Variants in PCDH11X observed in about 807,000 individuals in gnomAD.
PCDH11X encodes the protein protocadherin 11 X-linked, also known as protocadherin-11 X-linked.
In PCDH11X, 18 loss-of-function variants were observed where a neutral mutation model predicts 53.3. That is an observed-to-expected ratio of 0.34 (90% CI 0.23 to 0.50). The LOEUF is 0.50. Among genes scored for constraint, PCDH11X ranks in the 20% least tolerant of loss-of-function variants. The pLI is 0.98. For synonymous variants in PCDH11X, 279 were observed against 393.3 expected, an observed-to-expected ratio of 0.71 and a Z score of 3.44; for missense variants, 570 against 1,032.4, an observed-to-expected ratio of 0.55 and a Z score of 6.14.
chrX:92,498,355 G>A (rs916177948), intron 10 of PCDH11X, among the ~76,000 whole-genome samples: 1 of 110,144 alleles, frequency 9.1e-6, no homozygotes, highest in African/African-American at 3.3e-5. Flanking sequence ...GGGACCACAT[G>A]GTATCACATA....
At chrX:92,013,928 A>C (rs866910863) in intron 6 of PCDH11X, among the ~76,000 whole-genome samples, 19 of 111,622 alleles carry the variant, frequency 1.7e-4, no homozygotes, top group East Asian at 1.4e-3. Context: ...ACCATAAAAA[A>C]CCTAGAAGAA....
chrX:92,461,688 C>A (rs1569490950), intron 9 of PCDH11X, among the ~76,000 whole-genome samples: 2 of 111,037 alleles, frequency 1.8e-5, no homozygotes, highest in Non-Finnish European at 3.8e-5. Context: ...CACAAGCAAT[C>A]AAACCAAAAA....
chrX:92,054,446 A>T (rs1602766944), intron 6 of PCDH11X, among the ~76,000 whole-genome samples: 1 of 111,881 alleles, frequency 8.9e-6, no homozygotes, highest in East Asian at 2.8e-4. Context: ...TAAATAAGAA[A>T]TTTTTACAGG....
chrX:92,382,612 A>G (rs1183304427), intron 8 of PCDH11X, among the ~76,000 whole-genome samples: 2 of 111,668 alleles, frequency 1.8e-5, no homozygotes, highest in Non-Finnish European at 3.8e-5. Flanking sequence ...AATGACACCA[A>G]TATAATTTCT....
intron 6 of PCDH11X, among the ~76,000 whole-genome samples, chrX:92,047,801 G>A (rs1345383688): frequency 9.4e-6 from 1 of 106,635 alleles, no homozygotes; most frequent in East Asian, 3.0e-4. Context: ...TTTTCCAGCA[G>A]TGAGAAGGTT....
intron 10 of PCDH11X, among the ~76,000 whole-genome samples, chrX:92,497,583 AG>A (rs1173557232): frequency 9.0e-6 from 1 of 110,993 alleles, no homozygotes; most frequent in Non-Finnish European, 1.9e-5. Context: ...GATAAATGTA[AG>A]TGACTATTTT....
intron 6 of PCDH11X, among the ~76,000 whole-genome samples, chrX:92,161,551 A>T (rs1018802267): frequency 6.4e-5 from 7 of 109,743 alleles, no homozygotes; most frequent in African/African-American, 2.3e-4. Flanking sequence ...TTTGTATTTG[A>T]ATGTCTAGGT....
At chrX:92,419,214 G>A (rs1219071152) in intron 9 of PCDH11X, among the ~76,000 whole-genome samples, 2 of 106,213 alleles carry the variant, frequency 1.9e-5, no homozygotes, top group Non-Finnish European at 3.9e-5. Flanking sequence ...CTTTTGGTTT[G>A]CATGGTATAT....
At chrX:92,203,763 T>C (rs747973400) in intron 7 of PCDH11X, among the ~76,000 whole-genome samples, 8 of 111,925 alleles carry the variant, frequency 7.1e-5, no homozygotes, top group East Asian at 2.8e-4. Context: ...GATGAAATCA[T>C]AGGGAGTGCT....
intron 6 of PCDH11X, among the ~76,000 whole-genome samples, chrX:92,100,785 C>T (rs1473907769): frequency 2.7e-5 from 3 of 110,063 alleles, no homozygotes; most frequent in Middle Eastern, 4.3e-3. Flanking sequence ...AGAGAATGGA[C>T]GATGTTTCTC....
chrX:92,047,777 A>T (rs1281402991), intron 6 of PCDH11X, among the ~76,000 whole-genome samples: 1 of 106,256 alleles, frequency 9.4e-6, no homozygotes, highest in East Asian at 3.0e-4. Flanking sequence ...ATTTAGGAAC[A>T]TGCACACAAT....
intron 4 of PCDH11X, among the ~76,000 whole-genome samples, chrX:91,817,776 T>C (rs1207589029): frequency 1.8e-5 from 2 of 111,604 alleles, no homozygotes; most frequent in Non-Finnish European, 3.8e-5. Flanking sequence ...AGAGTTCTTT[T>C]TTCAAGGCAT....
rs900476645 is a variant in PCDH11X at position 91,906,467 on chromosome X, G to A, written c.3033+27194G>A. Among the ~76,000 whole-genome samples, 49 of 109,206 alleles carry A rather than the reference G, an allele frequency of 4.5e-4. 1 individual carries two copies. The highest frequency in any genetic ancestry group is 1.6e-3 in the African/African-American group (48 of 29,888). 94.8% of individuals were successfully genotyped at this position (109,206 alleles called of 115,157 possible). A position where few individuals can be genotyped will look rare whatever the true frequency, so the allele number is the denominator to read the frequency against. ...TCTAGACCAGAGATTCACAACACTG[G>A]CTGTGCATTAAAATTGCATTTGGAG... On this transcript the variant is annotated intron_variant, in intron 6 of 10. Transcript: ENST00000682573.
intron 6 of PCDH11X, among the ~76,000 whole-genome samples, chrX:92,091,765 G>A (rs1319256224): frequency 9.0e-6 from 1 of 111,374 alleles, no homozygotes; most frequent in African/African-American, 3.3e-5. Flanking sequence ...GGATTGTGGA[G>A]ACCAAGTTTT....
At chrX:92,605,585 G>A (rs1038815983) in intron 10 of PCDH11X, among the ~76,000 whole-genome samples, 1 of 111,896 alleles carries the variant, frequency 8.9e-6, no homozygotes, top group Non-Finnish European at 1.9e-5. Context: ...AAAATCTTAC[G>A]AAATCTATTA....
At position 92,373,330 on chromosome X, in the gene PCDH11X, A is replaced by G. The variant is rs770565648; in HGVS notation, c.3145-14405A>G. ...ATTGGGTAGAGTTGTGACTAAGAAG[A>G]TAAGGTTGGTTTAACAAAGTTTGTA... On this transcript the variant is annotated intron_variant, in intron 8 of 10. Coordinates refer to ENST00000682573, the MANE Select transcript of PCDH11X (RefSeq NM_032968.5). Among the ~76,000 whole-genome samples, 31 of 111,226 alleles carry G rather than the reference A, an allele frequency of 2.8e-4. No homozygotes were observed. The South Asian group carries it at 0.012, about 42-fold the overall frequency.
chrX:92,454,673 A>T (rs1029797892), intron 9 of PCDH11X, among the ~76,000 whole-genome samples: 2 of 108,711 alleles, frequency 1.8e-5, no homozygotes, highest in Non-Finnish European at 3.8e-5. Context: ...TATTTAGGAA[A>T]TTTGTCTTAA....
At chrX:92,299,275 T>C (rs1473390772) in intron 8 of PCDH11X, among the ~76,000 whole-genome samples, 1 of 111,565 alleles carries the variant, frequency 9.0e-6, no homozygotes, top group Non-Finnish European at 1.9e-5. Flanking sequence ...TGAGTGGTTA[T>C]TAAAAGCTGA....
At chrX:92,009,819 C>T (rs2062660666) in intron 6 of PCDH11X, among the ~76,000 whole-genome samples, 1 of 106,986 alleles carries the variant, frequency 9.3e-6, no homozygotes, top group African/African-American at 3.4e-5. Flanking sequence ...TCTCCTCCCT[C>T]AGCCTCCCAA....
Sources: gnomAD v4.1 joint callset for allele counts (sites outside exome capture counted in the v4.1 genomes callset) on GRCh38, gnomAD v4.1.1 for gene constraint, MANE v1.5 for transcripts, NCBI Gene and HGNC (gene_info 2026-07-23, HGNC 2026-07-21) for gene names.